VPS13C: variants seen among roughly 807,000 people sequenced by gnomAD.
VPS13C encodes intermembrane lipid transfer protein VPS13C.
A neutral mutation model predicts 456.8 loss-of-function variants in VPS13C; 358 were observed. That is an observed-to-expected ratio of 0.78 (90% CI 0.72 to 0.86). VPS13C has a LOEUF of 0.86. Ranked by LOEUF, VPS13C falls within the 40% of genes least tolerant of loss-of-function variation. VPS13C has a pLI of 0.00. For missense variants in VPS13C, 4,818 were observed against 4,385.4 expected, an observed-to-expected ratio of 1.10 and a Z score of -2.79; for synonymous variants, 1,578 against 1,486.7, an observed-to-expected ratio of 1.06 and a Z score of -1.41.
At chr15:61,941,181 T>C (rs957996153) in intron 46 of VPS13C, among the ~76,000 whole-genome samples, 2 of 152,234 alleles carry the variant, frequency 1.3e-5, no homozygotes. Context: ...TAATATGTTA[T>C]TGGTACTTCT....
intron 81 of VPS13C, chr15:61,864,277 A>C (rs1894388997): frequency 1.2e-6 from 1 of 817,798 alleles, no homozygotes; most frequent in African/African-American, 1.9e-5. Flanking sequence ...CTAAAAACAA[A>C]TATGAGCATA....
At chr15:61,896,375 C>T (rs543284533) in intron 66 of VPS13C, among the ~76,000 whole-genome samples, 1 of 152,250 alleles carries the variant, frequency 6.6e-6, no homozygotes, top group Admixed American at 6.5e-5. Context: ...AGACAGTGGG[C>T]ACAGGTCAGT....
chr15:61,866,649 A>C, intron 81 of VPS13C: 1 of 985,174 alleles, frequency 1.0e-6, no homozygotes, highest in Non-Finnish European at 1.2e-6. Flanking sequence ...TCTAGGCACA[A>C]GAAAGGTTTG....
intron 3 of VPS13C, among the ~76,000 whole-genome samples, chr15:62,035,815 C>A (rs2047977152): frequency 6.6e-6 from 1 of 151,956 alleles, no homozygotes; most frequent in Admixed American, 6.6e-5. Flanking sequence ...CTGAGGTGAG[C>A]CCACAAAAAA....
At position 61,964,862 on chromosome 15, in the gene VPS13C, C is replaced by A; in HGVS notation, c.3052-1G>T. On this transcript the variant is annotated splice_acceptor_variant, in intron 30 of 84. Transcript: ENST00000644861. LOFTEE classifies it high-confidence loss of function. The stretch of plus-strand genomic sequence containing the variant: ...ACAGATTTAAAGATGAAAAGGCCAC[C>A]TAAAAATGTTTTAAAGAGAAAATTA... The A allele has an allele frequency of 6.3e-7, 1 of 1,595,548 alleles. No individual in the cohort carries two copies. Among genetic ancestry groups the A allele is most frequent in the South Asian group, 1.1e-5 (1 of 87,440 alleles).
chr15:61,975,278 C>G (rs946829978), intron 24 of VPS13C, among the ~76,000 whole-genome samples: 3 of 151,680 alleles, frequency 2.0e-5, no homozygotes, highest in African/African-American at 7.3e-5. Flanking sequence ...TAATAAATAT[C>G]AGAGAGGAAA....
chr15:62,003,979 C>A (rs200892225), intron 15 of VPS13C, among the ~76,000 whole-genome samples: 3,895 of 152,158 alleles, frequency 0.026, 106 homozygotes, highest in South Asian at 0.068. Flanking sequence ...GTCTAAAATT[C>A]TCTTTTTTGG....
At chr15:61,984,791 A>G in intron 19 of VPS13C, 66 bp downstream of exon 19, 5 of 1,503,612 alleles carry the variant, frequency 3.3e-6, no homozygotes, top group Non-Finnish European at 4.5e-6. Flanking sequence ...AAACCTGAAT[A>G]ACACACATTT....
chr15:61,885,536 T>C (rs543385136), intron 67 of VPS13C, among the ~76,000 whole-genome samples: 2 of 152,270 alleles, frequency 1.3e-5, no homozygotes, highest in East Asian at 3.9e-4. Flanking sequence ...ATTCAGCTTC[T>C]ACTTCTCGTG....
chr15:61,983,881 T>C lies in VPS13C; in HGVS notation c.1853A>G (p.Asp618Gly), dbSNP rs1327293578. The C allele has an allele frequency of 6.2e-7, 1 of 1,614,124 alleles. No homozygotes were observed. Among genetic ancestry groups the C allele is most frequent in the Non-Finnish European group, 8.5e-7 (1 of 1,180,002 alleles). Residue 618 changes from aspartate (D) to glycine (G), a missense_variant, in exon 20 of 85, where the codon GAT becomes GGT. Physicochemically the swap from Asp to Gly is moderately conservative, Grantham distance 94 (BLOSUM62 -1). This residue lies in a region of VPS13C where 4,552 missense variants were observed against 4,130.6 expected (regional missense o/e 1.10). Coordinates refer to ENST00000644861, the MANE Select transcript of VPS13C (RefSeq NM_020821.3). ...AATCAGAGTCTGGTCAGCAGGACTA[T>C]CCTCCGGATTGGTTTCAAATTTAAT... ...LKIKFETNPE[D>G]SPADQTLIVQ...
chr15:62,043,774 G>A (rs912963409), intron 2 of VPS13C, among the ~76,000 whole-genome samples: 11 of 152,072 alleles, frequency 7.2e-5, no homozygotes, highest in African/African-American at 2.7e-4. Context: ...AACAATAAAT[G>A]ACACAAATTA....
intron 31 of VPS13C, 49 bp from the exon 32 acceptor site, chr15:61,964,000 A>G: frequency 3.2e-6 from 4 of 1,241,382 alleles, no homozygotes; most frequent in Non-Finnish European, 4.7e-6. Context: ...CTAGTCATCT[A>G]CATTCTTTTA....
At chr15:61,990,910 A>T (rs1244624096) in intron 18 of VPS13C, 90 bp downstream of exon 18, 5 of 837,096 alleles carry the variant, frequency 6.0e-6, no homozygotes, top group Non-Finnish European at 9.7e-6. Flanking sequence ...AATAACATTT[A>T]TATTACTTAA....
At chr15:61,877,250 T>A (rs1895490587) in intron 74 of VPS13C, among the ~76,000 whole-genome samples, 196 bp from the exon 75 acceptor site, 1 of 152,006 alleles carries the variant, frequency 6.6e-6, no homozygotes, top group Admixed American at 6.6e-5. Flanking sequence ...AAGTTTTTCA[T>A]ATATGCATAA....
intron 1 of VPS13C, among the ~76,000 whole-genome samples, chr15:62,044,469 A>C (rs1487458406): frequency 6.6e-6 from 1 of 152,156 alleles, no homozygotes; most frequent in Non-Finnish European, 1.5e-5. Context: ...AGTGTAAAAG[A>C]AGTTATAACA....
At chr15:61,855,453 C>T (rs1384301326) in intron 83 of VPS13C, among the ~76,000 whole-genome samples, 1 of 152,134 alleles carries the variant, frequency 6.6e-6, no homozygotes, top group African/African-American at 2.4e-5. Flanking sequence ...AATTTTGACA[C>T]TCTACAATGT....
intron 3 of VPS13C, among the ~76,000 whole-genome samples, chr15:62,039,131 C>T (rs1213391259): frequency 6.6e-6 from 1 of 152,120 alleles, no homozygotes; most frequent in Non-Finnish European, 1.5e-5. Context: ...GACACCTGCA[C>T]TCATATGTTT....
chr15:61,970,293 C>G (rs377452513), intron 27 of VPS13C, among the ~76,000 whole-genome samples: 4 of 152,054 alleles, frequency 2.6e-5, no homozygotes, highest in African/African-American at 7.2e-5. Flanking sequence ...AGAATGCAAC[C>G]GAATGAAAGA....
chr15:61,881,561 A>G lies in VPS13C; in HGVS notation c.9776+2T>C. On this transcript the variant is annotated splice_donor_variant, in intron 71 of 84. Coordinates refer to ENST00000644861, the MANE Select transcript of VPS13C (RefSeq NM_020821.3). LOFTEE classifies it high-confidence loss of function. ...AGAGAAACAGCAGGAATCTTCACTTACTTGAACTGTAAGACTTTACTGTAC... is the reference window on the plus strand; with the variant it reads ...AGAGAAACAGCAGGAATCTTCACTTGCTTGAACTGTAAGACTTTACTGTAC... 6.2e-7 allele frequency: 1 copy of G among 1,600,084 alleles called. No individual in the cohort carries two copies. Among genetic ancestry groups the G allele is most frequent in the Non-Finnish European group, 8.5e-7 (1 of 1,175,180 alleles).
Sources: allele counts gnomAD v4.1 joint callset (sites outside exome capture counted in the v4.1 genomes callset), GRCh38; gene constraint gnomAD v4.1.1; regional missense constraint gnomAD v4.1.1; transcripts MANE v1.5; gene names NCBI Gene and HGNC (gene_info 2026-07-23, HGNC 2026-07-21).